Variants in GABRG1 observed in about 807,000 individuals in gnomAD.
The protein encoded by GABRG1 is gamma-aminobutyric acid receptor subunit gamma-1.
GABRG1 carries 49 observed loss-of-function variants against 49.8 expected under a neutral mutation model. The ratio of observed to expected loss-of-function variants is 0.98; its 90% CI spans 0.78 to 1.25. GABRG1 has a LOEUF of 1.25. Ranked by LOEUF, GABRG1 falls within the 50% of genes most tolerant of loss-of-function variation. GABRG1 has a pLI of 0.00. For missense variants in GABRG1, 552 were observed against 552.3 expected (o/e 1.00, Z 0.01); for synonymous variants, 232 against 185.1 (o/e 1.25, Z -2.06).
chr4:46,121,262 T>C (rs906200436), intron 1 of GABRG1, among the ~76,000 whole-genome samples: 6 of 151,828 alleles, frequency 4.0e-5, no homozygotes, highest in African/African-American at 7.2e-5. Context: ...AAATGAACTA[T>C]TTATGGTTAG....
At chr4:46,043,609 T>C (rs1717868786) in intron 8 of GABRG1, among the ~76,000 whole-genome samples, 1 of 152,004 alleles carries the variant, frequency 6.6e-6, no homozygotes, top group South Asian at 2.1e-4. Flanking sequence ...ATGCTACCCA[T>C]CTTTTAGTTT....
chr4:46,057,342 C>A (rs1718491071), intron 7 of GABRG1, among the ~76,000 whole-genome samples: 1 of 152,028 alleles, frequency 6.6e-6, no homozygotes, highest in Admixed American at 6.6e-5. Flanking sequence ...ATAGAAATCA[C>A]ATATAAACTT....
chr4:46,109,778 G>T (rs2055886992), intron 1 of GABRG1, among the ~76,000 whole-genome samples: 1 of 150,930 alleles, frequency 6.6e-6, no homozygotes, highest in South Asian at 2.1e-4. Context: ...TACCCAAAAG[G>T]CATTCTGGGG....
chr4:46,064,326 A>C (rs1718824387), intron 5 of GABRG1, 115 bp downstream of exon 5: 2 of 561,178 alleles, frequency 3.6e-6, no homozygotes, highest in Non-Finnish European at 6.3e-6. Flanking sequence ...ATCTAAAAGA[A>C]TTGAACATAA....
At position 46,058,474 on chromosome 4, in the gene GABRG1, A is replaced by G. The variant is rs778528542; in HGVS notation, c.763+11T>C. On this transcript the variant is annotated intron_variant, in intron 6 of 8. Transcript: ENST00000295452. ...GCTAGCATCATTTCACTATTTGAGTATTCTTTTTACCAGAGATCGTGTGAG... is the reference window on the plus strand; with the variant it reads ...GCTAGCATCATTTCACTATTTGAGTGTTCTTTTTACCAGAGATCGTGTGAG... 1 of 1,610,890 alleles carries G rather than the reference A, an allele frequency of 6.2e-7. No individual in the cohort carries two copies. The highest frequency in any genetic ancestry group is 8.5e-7 in the Non-Finnish European group (1 of 1,178,486).
intron 1 of GABRG1, among the ~76,000 whole-genome samples, chr4:46,110,875 A>C (rs982663008): frequency 6.6e-6 from 1 of 151,240 alleles, no homozygotes; most frequent in African/African-American, 2.4e-5. Flanking sequence ...CATCTATGAC[A>C]AATCACAGCC....
chr4:46,040,991 T>A lies in GABRG1; in HGVS notation c.1395A>T (p.Leu465Phe). 6.2e-7 allele frequency: 1 copy of A among 1,607,014 alleles called. No homozygotes were observed. Among genetic ancestry groups the A allele is most frequent in the Non-Finnish European group, 8.5e-7 (1 of 1,176,350 alleles). Residue 465 changes from leucine (L) to phenylalanine (F), a missense_variant, in exon 9 of 9, where the codon TTA becomes TTT. Transcript: ENST00000295452. ...NLVYWVGYLYL is the reference protein window; with the variant it reads ...NLVYWVGYLYF ...ATTTTTGCTTATGAAGTAGATTTTA[T>A]AAGTAAAGATAGCCAACCCAATAAA...
At position 46,065,633 on chromosome 4, in the gene GABRG1, T is replaced by C. The variant is rs184814027; in HGVS notation, c.322-49A>G. ...CATATTAGTAAAGCTACTATTTTAG[T>C]TGTTTTTCTCGAAAGTTTGAATTTT... On this transcript the variant is annotated intron_variant, in intron 3 of 8. Coordinates refer to ENST00000295452, the MANE Select transcript of GABRG1 (RefSeq NM_173536.4). The C allele has an allele frequency of 1.3e-5, 11 of 879,922 alleles. No individual in the cohort carries two copies. The African/African-American group carries it at 1.4e-4, about 11-fold the overall frequency. 54.5% of individuals were successfully genotyped at this position (879,922 alleles called of 1,614,324 possible). A position where few individuals can be genotyped will look rare whatever the true frequency, so the allele number is the denominator to read the frequency against.
In GABRG1 at chr4:46,123,906, G is replaced by A. The variant is rs369740821; in HGVS notation, c.8C>T (p.Pro3Leu). The A allele has an allele frequency of 3.7e-6, 6 of 1,613,294 alleles. No homozygotes were observed. The highest frequency in any genetic ancestry group is 5.1e-6 in the Non-Finnish European group (6 of 1,179,518). ...AGGGGAGAAGAGAAAAGCTTTCAAA[G>A]GACCCATCGGAATCGCTTTTTTACG... MG[P>L]LKAFLFSPFL... Residue 3 changes from proline to leucine, a missense_variant, in exon 1 of 9, where the codon CCT becomes CTT. Coordinates refer to ENST00000295452, the MANE Select transcript of GABRG1 (RefSeq NM_173536.4).
At chr4:46,118,660 G>A (rs1256688241) in intron 1 of GABRG1, among the ~76,000 whole-genome samples, 1 of 150,916 alleles carries the variant, frequency 6.6e-6, no homozygotes, top group African/African-American at 2.4e-5. Context: ...ACACACAATG[G>A]GCACTGAGTA....
chr4:46,051,682 C>T (rs1460852361), intron 7 of GABRG1, 44 bp from the exon 8 acceptor site: 1 of 1,193,440 alleles, frequency 8.4e-7, no homozygotes, highest in Non-Finnish European at 1.2e-6. Context: ...ATTAATAGAC[C>T]ACATTTATTC....
intron 1 of GABRG1, among the ~76,000 whole-genome samples, chr4:46,118,513 C>A (rs1014863772): frequency 2.7e-4 from 41 of 150,988 alleles, no homozygotes; most frequent in Non-Finnish European, 5.5e-4. Flanking sequence ...GTTCATTGAG[C>A]AGGAATTCTG....
Position 46,039,474 on chromosome 4 carries a change from G to A in GABRG1, c.*1514C>T, listed in dbSNP as rs1409969769. ...CGGAATTATAACATTAAAAACTAGA[G>A]TAACAATTGCAGAGGTGACAGGTTT... On this transcript the variant is annotated 3_prime_UTR_variant, in exon 9 of 9. Coordinates refer to ENST00000295452, the MANE Select transcript of GABRG1 (RefSeq NM_173536.4). 2 of 151,632 alleles carry A rather than the reference G, an allele frequency of 1.3e-5. No homozygotes were observed. The highest frequency in any genetic ancestry group is 1.9e-4 in the East Asian group (1 of 5,176). The allele number at this position is 151,632 out of a possible 1,614,324, so 9.4% of individuals were successfully genotyped here.
chr4:46,064,781 CATA>C (rs1265373887), intron 4 of GABRG1, among the ~76,000 whole-genome samples: 2 of 152,064 alleles, frequency 1.3e-5, no homozygotes, highest in African/African-American at 2.4e-5. Context: ...TGTGTTTACA[CATA>C]ATAATTCATA....
At chr4:46,096,279 A>T (rs1214346315) in intron 2 of GABRG1, among the ~76,000 whole-genome samples, 1 of 151,806 alleles carries the variant, frequency 6.6e-6, no homozygotes, top group East Asian at 1.9e-4. Flanking sequence ...TTGTATGGAC[A>T]GTATGTGGGA....
At chr4:46,062,124 G>A (rs2109406033) in intron 5 of GABRG1, among the ~76,000 whole-genome samples, 1 of 148,560 alleles carries the variant, frequency 6.7e-6, no homozygotes, top group African/African-American at 2.5e-5. Flanking sequence ...AGAACATGCG[G>A]TGTTTGGTTT....
intron 1 of GABRG1, among the ~76,000 whole-genome samples, chr4:46,115,356 G>T (rs1382230628): frequency 6.6e-6 from 1 of 150,630 alleles, no homozygotes; most frequent in Non-Finnish European, 1.5e-5. Flanking sequence ...TCCGTAAGTT[G>T]TGTTGAAATG....
At chr4:46,056,714 T>C (rs1381779319) in intron 7 of GABRG1, among the ~76,000 whole-genome samples, 3 of 152,084 alleles carry the variant, frequency 2.0e-5, no homozygotes, top group Admixed American at 2.0e-4. Context: ...CAGAAAGCAT[T>C]GGATACATTG....
chr4:46,060,984 A>G (rs1718650879), intron 5 of GABRG1, among the ~76,000 whole-genome samples: 1 of 152,062 alleles, frequency 6.6e-6, no homozygotes, highest in Non-Finnish European at 1.5e-5. Flanking sequence ...TCTCTACTGG[A>G]CCCATGTAGA....
Sources: allele counts gnomAD v4.1 joint callset (sites outside exome capture counted in the v4.1 genomes callset), GRCh38; gene constraint gnomAD v4.1.1; transcripts MANE v1.5; gene names NCBI Gene and HGNC (gene_info 2026-07-23, HGNC 2026-07-21).